Variants in DMD observed in about 807,000 individuals in gnomAD.
The protein encoded by DMD is mutant dystrophin.
A neutral mutation model predicts 330.1 loss-of-function variants in DMD; 63 were observed. That is an observed-to-expected ratio of 0.19 (90% CI 0.16 to 0.24). DMD has a LOEUF of 0.24. Among genes scored for constraint, DMD ranks in the 10% least tolerant of loss-of-function variants. The pLI is 1.00. For missense variants in DMD, 3,344 were observed against 2,684.1 expected, an observed-to-expected ratio of 1.25 and a Z score of -5.43; for synonymous variants, 1,223 against 959.8, an observed-to-expected ratio of 1.27 and a Z score of -5.07.
intron 44 of DMD, among the ~76,000 whole-genome samples, chrX:32,050,902 T>C (rs1183834276): frequency 9.1e-6 from 1 of 110,432 alleles, no homozygotes; most frequent in Non-Finnish European, 1.9e-5. Context: ...CATCTTTATA[T>C]GAATAACGTG....
intron 42 of DMD, among the ~76,000 whole-genome samples, chrX:32,304,685 A>G (rs1461141793): frequency 9.0e-6 from 1 of 111,410 alleles, no homozygotes; most frequent in Non-Finnish European, 1.9e-5. Context: ...TATATAGCAA[A>G]TCAATCAAAT....
At chrX:31,594,380 A>AGAATT (rs1408658951) in intron 55 of DMD, among the ~76,000 whole-genome samples, 10 of 111,250 alleles carry the variant, frequency 9.0e-5, no homozygotes, top group African/African-American at 3.3e-4. Context: ...TCTGGTCTGA[A>AGAATT]GAATTCTGCG....
intron 1 of DMD, among the ~76,000 whole-genome samples, chrX:33,041,890 C>T (rs1344420293): frequency 2.8e-5 from 1 of 35,509 alleles, no homozygotes; most frequent in African/African-American, 1.0e-4. Context: ...ATGAGTTCAT[C>T]TAAAAAAAAA....
chrX:32,795,687 A>G (rs2076132401), intron 7 of DMD, among the ~76,000 whole-genome samples: 1 of 112,351 alleles, frequency 8.9e-6, no homozygotes, highest in Non-Finnish European at 1.9e-5. Flanking sequence ...AACCTGCTGA[A>G]TGGGAGAAAA....
chrX:31,649,920 G>T (rs768983628), intron 54 of DMD, among the ~76,000 whole-genome samples: 16 of 110,176 alleles, frequency 1.5e-4, no homozygotes, highest in African/African-American at 4.6e-4. Context: ...AATTGAGAGG[G>T]TTGAACTGGT....
In DMD at chrX:31,275,155, T is replaced by TTGTG. The variant is rs59068818; in HGVS notation, c.9225-14143_9225-14140dup. 3.7e-3 allele frequency among the ~76,000 whole-genome samples: 359 copies of TTGTG among 96,428 alleles called. 3 individuals are homozygous for TTGTG. Among genetic ancestry groups the TTGTG allele is most frequent in the South Asian group, 5.8e-3 (11 of 1,904 alleles). The allele number at this position is 96,428 out of a possible 115,157, so 83.7% of individuals were successfully genotyped here. On this transcript the variant is annotated intron_variant, in intron 62 of 78. Coordinates refer to ENST00000357033, the MANE Select transcript of DMD (RefSeq NM_004006.3). ...ACCTAGTTAGTTCTTAAATCAGGTT[T>TTGTG]TGTGTGTGTGTGTGTGTGTGTGTGT...
rs182560858 is a variant in DMD, at chrX:32,264,325, T to A, written c.6290+23204A>T. 2.7e-5 allele frequency among the ~76,000 whole-genome samples: 3 copies of A among 111,981 alleles called. No individual in the cohort carries two copies. In the East Asian group the frequency reaches 8.5e-4, roughly 32 times the overall value. On this transcript the variant is annotated intron_variant, in intron 43 of 78. Coordinates refer to ENST00000357033, the MANE Select transcript of DMD (RefSeq NM_004006.3). ...CAGCCATGCAAACCAGTGAGTCAATTAAACCTCGTTCCTTTATAAATTACC... is the reference window on the plus strand; with the variant it reads ...CAGCCATGCAAACCAGTGAGTCAATAAAACCTCGTTCCTTTATAAATTACC...
At chrX:33,117,756 G>A (rs1000753436) in intron 1 of DMD, among the ~76,000 whole-genome samples, 1 of 111,175 alleles carries the variant, frequency 9.0e-6, no homozygotes, top group African/African-American at 3.3e-5. Flanking sequence ...TTGCATCATC[G>A]AGAACCTGAA....
chrX:32,091,523 T>G (rs1319832583), intron 44 of DMD, among the ~76,000 whole-genome samples: 1 of 110,722 alleles, frequency 9.0e-6, no homozygotes, highest in Non-Finnish European at 1.9e-5. Context: ...TTTTTTTTTT[T>G]GGCAGTTCCA....
chrX:32,763,454 CAG>C (rs1019339673), intron 7 of DMD, among the ~76,000 whole-genome samples: 1 of 111,690 alleles, frequency 9.0e-6, no homozygotes, highest in Non-Finnish European at 1.9e-5. Context: ...GAGATGAAAA[CAG>C]TGTTTGTCTG....
intron 44 of DMD, among the ~76,000 whole-genome samples, chrX:32,131,403 AT>A (rs2096693651): frequency 9.0e-6 from 1 of 111,381 alleles, no homozygotes; most frequent in Non-Finnish European, 1.9e-5. Context: ...TATCTTAAGG[AT>A]AAAAAATTCC....
At chrX:31,293,197 C>G (rs60233567) in intron 62 of DMD, among the ~76,000 whole-genome samples, 1,324 of 46,067 alleles carry the variant, frequency 0.029, 37 homozygotes, top group African/African-American at 0.17. Flanking sequence ...TGTGTGTAGT[C>G]TGGTTTAGTG....
intron 4 of DMD, among the ~76,000 whole-genome samples, chrX:32,839,295 G>C (rs759130987): frequency 1.8e-5 from 2 of 111,219 alleles, no homozygotes; most frequent in Non-Finnish European, 3.8e-5. Context: ...CCTTCCTATA[G>C]ACAATTCCAA....
At chrX:31,349,609 A>G (rs1392647583) in intron 60 of DMD, among the ~76,000 whole-genome samples, 1 of 112,012 alleles carries the variant, frequency 8.9e-6, no homozygotes, top group Non-Finnish European at 1.9e-5. Context: ...AGGTTTTTCT[A>G]TAATATATTG....
At chrX:32,576,893 G>T (rs747857952) in intron 13 of DMD, among the ~76,000 whole-genome samples, 26 of 111,373 alleles carry the variant, frequency 2.3e-4, no homozygotes, top group African/African-American at 5.9e-4. Flanking sequence ...TACAGTTAAT[G>T]ACAGCCATCA....
intron 43 of DMD, among the ~76,000 whole-genome samples, chrX:32,238,200 T>G (rs2097195027): frequency 8.9e-6 from 1 of 111,826 alleles, no homozygotes; most frequent in Admixed American, 9.5e-5. Context: ...TGTTTATTAT[T>G]TGGCAGTTTC....
chrX:32,297,083 C>T (rs1178106991), intron 42 of DMD, among the ~76,000 whole-genome samples: 1 of 110,420 alleles, frequency 9.1e-6, no homozygotes, highest in African/African-American at 3.3e-5. Flanking sequence ...TACAGTTAGG[C>T]ACAGTTTTCA....
At chrX:32,204,857 C>A (rs2097056968) in intron 44 of DMD, among the ~76,000 whole-genome samples, 1 of 107,670 alleles carries the variant, frequency 9.3e-6, no homozygotes, top group African/African-American at 3.4e-5. Flanking sequence ...TAACTTGTCA[C>A]CAAAGGGATC....
chrX:31,186,210 C>T (rs926287280), intron 67 of DMD, among the ~76,000 whole-genome samples: 5 of 111,748 alleles, frequency 4.5e-5, no homozygotes, highest in Non-Finnish European at 3.8e-5. Flanking sequence ...TTCAAACTTC[C>T]GATCAAATGC....
Sources: gnomAD v4.1 joint callset for allele counts (sites outside exome capture counted in the v4.1 genomes callset) on GRCh38, gnomAD v4.1.1 for gene constraint, MANE v1.5 for transcripts, NCBI Gene and HGNC (gene_info 2026-07-23, HGNC 2026-07-21) for gene names.